BAIAP2L1: variants seen among roughly 807,000 people sequenced by gnomAD.
BAIAP2L1 encodes BAR/IMD domain-containing adapter protein 2-like 1.
BAIAP2L1 carries 35 observed loss-of-function variants against 66.3 expected under a neutral mutation model. The ratio of observed to expected loss-of-function variants is 0.53; its 90% CI spans 0.40 to 0.70. The LOEUF (loss-of-function observed/expected upper bound fraction) is 0.70. Ranked by LOEUF, BAIAP2L1 falls within the 30% of genes least tolerant of loss-of-function variation. The probability of loss-of-function intolerance (pLI) is 0.00; values close to 1 mark genes in which losing one functional copy is unlikely to be tolerated. For synonymous variants in BAIAP2L1, 269 were observed against 248.7 expected (o/e 1.08, Z -0.77); for missense variants, 622 against 656.9 (o/e 0.95, Z 0.58).
In BAIAP2L1 at chr7:98,320,306, C is replaced by A. The variant is rs751711961; in HGVS notation, c.215-8G>T. On this transcript the variant is annotated splice_polypyrimidine_tract_variant and splice_region_variant and intron_variant, in intron 3 of 13. Transcript: ENST00000005260. ...TCTCTATGAGGACATGTCCTGGGAA[C>A]AAAACCAGATATGTTAGCGGGAAGC... 1 of 1,583,142 alleles carries A rather than the reference C, an allele frequency of 6.3e-7. No individual in the cohort carries two copies. The highest frequency in any genetic ancestry group is 2.2e-5 in the East Asian group (1 of 44,510).
chr7:98,347,642 G>A (rs558186503), intron 3 of BAIAP2L1, among the ~76,000 whole-genome samples: 2 of 152,208 alleles, frequency 1.3e-5, no homozygotes, highest in South Asian at 4.1e-4. Flanking sequence ...GGGCGCCGTG[G>A]CAGGCGCCTG....
chr7:98,305,852 G>A (rs1205417984), intron 11 of BAIAP2L1, among the ~76,000 whole-genome samples: 5 of 152,164 alleles, frequency 3.3e-5, no homozygotes, highest in South Asian at 2.1e-4. Context: ...TCTGGAATAC[G>A]GATTTGGGGG....
chr7:98,392,853 T>G (rs1338725167), intron 1 of BAIAP2L1, among the ~76,000 whole-genome samples: 1 of 135,370 alleles, frequency 7.4e-6, no homozygotes, highest in East Asian at 2.1e-4. Flanking sequence ...AGTACAGTGG[T>G]GCAGTCTCAG....
chr7:98,306,418 C>T, intron 11 of BAIAP2L1, 21 bp downstream of exon 11: 1 of 1,613,890 alleles, frequency 6.2e-7, no homozygotes, highest in Non-Finnish European at 8.5e-7. Flanking sequence ...ACCGGGAGAG[C>T]TCAGCCACGT....
chr7:98,301,475 G>GTATATATATA lies in BAIAP2L1; in HGVS notation c.1422+2711_1422+2720dup, dbSNP rs60741017. The stretch of plus-strand genomic sequence containing the variant: ...AAAGCCTTCTAGCTTTTTTTTTTTG[G>GTATATATATA]TATATATATATATATATATTTTAAG... On this transcript the variant is annotated intron_variant, in intron 12 of 13. Coordinates refer to ENST00000005260, the MANE Select transcript of BAIAP2L1 (RefSeq NM_018842.5). Among the ~76,000 whole-genome samples the GTATATATATA allele has an allele frequency of 4.1e-3, 581 of 142,288 alleles. 1 individual carries two copies. The highest frequency in any genetic ancestry group is 6.0e-3 in the African/African-American group (235 of 39,014). The allele number at this position is 142,288 out of a possible 152,430, so 93.3% of individuals were successfully genotyped here.
At position 98,292,903 on chromosome 7, in the gene BAIAP2L1, C is replaced by G. The variant is rs907589117; in HGVS notation, c.*618G>C. 25 of 1,415,860 alleles carry G rather than the reference C, an allele frequency of 1.8e-5. No homozygotes were observed. The South Asian group carries it at 3.7e-4, about 21-fold the overall frequency. 87.7% of individuals were successfully genotyped at this position (1,415,860 alleles called of 1,614,324 possible). Reference sequence around the variant, plus strand: ...AGATTTCGTCGAGTGCTACGTGTGGCTGTGATAAGGGCAGGCAAAGCGTCT... The same window carrying G: ...AGATTTCGTCGAGTGCTACGTGTGGGTGTGATAAGGGCAGGCAAAGCGTCT... On this transcript the variant is annotated 3_prime_UTR_variant, in exon 14 of 14. Coordinates refer to ENST00000005260, the MANE Select transcript of BAIAP2L1 (RefSeq NM_018842.5).
At chr7:98,393,210 T>C (rs2115853249) in intron 1 of BAIAP2L1, among the ~76,000 whole-genome samples, 1 of 150,668 alleles carries the variant, frequency 6.6e-6, no homozygotes, top group East Asian at 2.0e-4. Context: ...TATATGTAAT[T>C]TTTGTATTTT....
Position 98,315,617 on chromosome 7 carries a change from A to AC in BAIAP2L1, c.487-6_487-5insG. On this transcript the variant is annotated splice_polypyrimidine_tract_variant and splice_region_variant and intron_variant, in intron 6 of 13. Transcript: ENST00000005260. Reference sequence around the variant, plus strand: ...AGAAGTAACGGTCTCCACATACTAAAAAAAAAAAAATAATAATAATAATAA... The same window carrying AC: ...AGAAGTAACGGTCTCCACATACTAAACAAAAAAAAAATAATAATAATAATAA... 8.7e-7 allele frequency: 1 copy of AC among 1,152,524 alleles called. No individual in the cohort carries two copies. The highest frequency in any genetic ancestry group is 1.1e-6 in the Non-Finnish European group (1 of 881,002). 71.4% of individuals were successfully genotyped at this position (1,152,524 alleles called of 1,614,324 possible).
In BAIAP2L1 at chr7:98,375,742, C is replaced by CAA. The variant is rs372282399; in HGVS notation, c.52-13312_52-13311dup. 3.1e-3 allele frequency among the ~76,000 whole-genome samples: 183 copies of CAA among 58,964 alleles called. 2 individuals are homozygous for CAA. The highest frequency in any genetic ancestry group is 5.0e-3 in the African/African-American group (70 of 13,876). 38.7% of individuals were successfully genotyped at this position (58,964 alleles called of 152,430 possible). ...GGGCGACAAAAGCGAAAGTCCATCT[C>CAA]AAAAAAAAAAAAAAAAAAAAGAAAA... On this transcript the variant is annotated intron_variant, in intron 1 of 13. Transcript: ENST00000005260.
At chr7:98,388,352 G>A (rs1255137035) in intron 1 of BAIAP2L1, among the ~76,000 whole-genome samples, 1 of 152,232 alleles carries the variant, frequency 6.6e-6, no homozygotes, top group East Asian at 1.9e-4. Flanking sequence ...GTAAGACTGA[G>A]TCTCTAAGCA....
At chr7:98,347,962 G>A (rs1352092372) in intron 3 of BAIAP2L1, among the ~76,000 whole-genome samples, 2 of 151,898 alleles carry the variant, frequency 1.3e-5, no homozygotes, top group Admixed American at 1.3e-4. Context: ...ATAGGGAGGG[G>A]AACATCACAC....
At chr7:98,336,988 G>C (rs929277774) in intron 3 of BAIAP2L1, among the ~76,000 whole-genome samples, 2 of 152,084 alleles carry the variant, frequency 1.3e-5, no homozygotes, top group Admixed American at 6.6e-5. Flanking sequence ...CCATAAAATG[G>C]GAATAATCTC....
rs199631304 is a variant in BAIAP2L1 at position 98,307,699 on chromosome 7, C to T, written c.1153G>A (p.Val385Met). 5.9e-5 allele frequency: 96 copies of T among 1,614,014 alleles called. No homozygotes were observed. Among genetic ancestry groups the T allele is most frequent in the African/African-American group, 2.7e-5 (2 of 75,052 alleles). Reference protein sequence around the residue: ...KDGWLYGEHDVSKARGWFPSS... With the variant: ...KDGWLYGEHDMSKARGWFPSS... ...CACGCCCAGACTTACGCCTTGGACA[C>T]GTCGTGTTCTCCATAGAGCCAGCCA... The change falls in exon 10 of 14, where the codon GTG (valine) becomes ATG (methionine). Residue 385 changes from valine (V) to methionine (M), a missense_variant. By Grantham distance (21) the Val-to-Met change is conservative. Transcript: ENST00000005260.
rs560974575 is a variant in BAIAP2L1, at chr7:98,390,008, C to T, written c.51+10794G>A. Among the ~76,000 whole-genome samples, 191 of 124,480 alleles carry T rather than the reference C, an allele frequency of 1.5e-3. 1 individual carries two copies. The highest frequency in any genetic ancestry group is 4.8e-3 in the African/African-American group (186 of 38,922). 81.7% of individuals were successfully genotyped at this position (124,480 alleles called of 152,430 possible). ...TTGGCTCACTGCAAGCTCCGCCTCC[C>T]GGGTTCACACCATTCTCCTGCTTCA... On this transcript the variant is annotated intron_variant, in intron 1 of 13. Coordinates refer to ENST00000005260, the MANE Select transcript of BAIAP2L1 (RefSeq NM_018842.5).
chr7:98,310,162 G>A, intron 9 of BAIAP2L1: 1 of 325,280 alleles, frequency 3.1e-6, no homozygotes, highest in Non-Finnish European at 5.6e-6. Flanking sequence ...CCATTTATTT[G>A]TAAATAGATA....
chr7:98,379,410 C>G (rs888559649), intron 1 of BAIAP2L1, among the ~76,000 whole-genome samples: 2 of 152,272 alleles, frequency 1.3e-5, no homozygotes, highest in South Asian at 4.1e-4. Context: ...CAATCAGCCT[C>G]GAAAATTGAG....
intron 3 of BAIAP2L1, among the ~76,000 whole-genome samples, chr7:98,330,380 A>G (rs1801465684): frequency 6.6e-6 from 1 of 152,208 alleles, no homozygotes; most frequent in Admixed American, 6.5e-5. Context: ...GGTTTAGGCC[A>G]GGCGTGGTGG....
chr7:98,346,577 CA>C (rs1404319225), intron 3 of BAIAP2L1, among the ~76,000 whole-genome samples: 3 of 152,078 alleles, frequency 2.0e-5, no homozygotes, highest in African/African-American at 4.8e-5. Flanking sequence ...CTCAAATAAA[CA>C]CAAAGCTAGA....
chr7:98,372,177 G>A (rs757552473), intron 1 of BAIAP2L1, among the ~76,000 whole-genome samples: 3 of 151,976 alleles, frequency 2.0e-5, no homozygotes, highest in Non-Finnish European at 4.4e-5. Context: ...GAGGCAAGGC[G>A]GTCGGATCAC....
Sources: allele counts gnomAD v4.1 joint callset (sites outside exome capture counted in the v4.1 genomes callset), GRCh38; gene constraint gnomAD v4.1.1; transcripts MANE v1.5; gene names NCBI Gene and HGNC (gene_info 2026-07-23, HGNC 2026-07-21).